DZIP3: variants seen among roughly 807,000 people sequenced by gnomAD.
DZIP3 encodes E3 ubiquitin-protein ligase DZIP3.
Under a neutral mutation model 162.0 loss-of-function variants are expected in DZIP3, and 118 were observed. The ratio of observed to expected loss-of-function variants is 0.73; its 90% CI spans 0.63 to 0.85. DZIP3 has a LOEUF of 0.85. DZIP3 is among the 40% of genes least tolerant of loss of function. The pLI is 0.00. For synonymous variants in DZIP3, 438 were observed against 458.6 expected (o/e 0.96, Z 0.57); for missense variants, 1,331 against 1,407.0 (o/e 0.95, Z 0.86).
chr3:108,594,402 TCTCCCCCCTCCC>T (rs1220652586), intron 1 of DZIP3, among the ~76,000 whole-genome samples: 3 of 141,642 alleles, frequency 2.1e-5, no homozygotes, highest in Non-Finnish European at 3.1e-5. Context: ...TCTCTCTCTC[TCTCCCCCCTCCC>T]CTCCCCCCTC....
chr3:108,649,034 AC>A (rs1432465078), intron 17 of DZIP3, 72 bp downstream of exon 17: 15 of 918,998 alleles, frequency 1.6e-5, no homozygotes, highest in Non-Finnish European at 2.1e-5. Context: ...CATTGTTAGA[AC>A]TTAAATTAGT....
chr3:108,659,038 T>C (rs923640397), intron 19 of DZIP3, among the ~76,000 whole-genome samples: 2 of 152,122 alleles, frequency 1.3e-5, no homozygotes, highest in African/African-American at 4.8e-5. Context: ...ACCAGATGGA[T>C]TCACAGCCGA....
chr3:108,677,334 GA>G, intron 25 of DZIP3, among the ~76,000 whole-genome samples, 162 bp from the exon 26 acceptor site: 1 of 128,324 alleles, frequency 7.8e-6, no homozygotes, highest in East Asian at 2.5e-4. Flanking sequence ...ATGGTCTATA[GA>G]ATTTTTTTTT....
chr3:108,658,976 C>A (rs953901897), intron 19 of DZIP3, among the ~76,000 whole-genome samples: 1 of 151,886 alleles, frequency 6.6e-6, no homozygotes, highest in African/African-American at 2.4e-5. Context: ...CAATAACAGG[C>A]TCTGAAATTG....
At chr3:108,614,575 A>T (rs1940897538) in intron 4 of DZIP3, among the ~76,000 whole-genome samples, 1 of 152,140 alleles carries the variant, frequency 6.6e-6, no homozygotes, top group Non-Finnish European at 1.5e-5. Flanking sequence ...TATTTTCAGT[A>T]TGCTCTGGAC....
In DZIP3 at chr3:108,678,395, G is replaced by C. The variant is rs529246884; in HGVS notation, c.2883+797G>C. Among the ~76,000 whole-genome samples, 7 of 152,082 alleles carry C rather than the reference G, an allele frequency of 4.6e-5. No homozygotes were observed. In the South Asian group the frequency reaches 8.3e-4, roughly 18 times the overall value. On this transcript the variant is annotated intron_variant, in intron 26 of 32. Coordinates refer to ENST00000361582, the MANE Select transcript of DZIP3 (RefSeq NM_014648.4). ...GAAAAAATTATCTTCCATGAAACCA[G>C]TCCCTGGTGCCGAAAAGATTGGGGA... is the stretch of plus-strand genomic sequence containing the variant.
chr3:108,613,015 G>A (rs1281515355), intron 4 of DZIP3, among the ~76,000 whole-genome samples: 2 of 152,106 alleles, frequency 1.3e-5, no homozygotes, highest in East Asian at 1.9e-4. Context: ...AAATCTCTGG[G>A]GATAGGTCTT....
At chr3:108,653,190 C>T (rs184467198) in intron 18 of DZIP3, among the ~76,000 whole-genome samples, 1 of 151,886 alleles carries the variant, frequency 6.6e-6, no homozygotes, top group African/African-American at 2.4e-5. Context: ...ATGTTTGGGT[C>T]ACTCTAGAAT....
chr3:108,611,127 T>G, intron 3 of DZIP3, 47 bp from the exon 4 acceptor site: 99 of 1,500,362 alleles, frequency 6.6e-5, no homozygotes, highest in Non-Finnish European at 8.3e-5. Flanking sequence ...TAAGAGTGAA[T>G]GAGAATATGC....
intron 31 of DZIP3, among the ~76,000 whole-genome samples, chr3:108,690,185 A>G (rs1944641198): frequency 6.6e-6 from 1 of 152,222 alleles, no homozygotes; most frequent in Non-Finnish European, 1.5e-5. Flanking sequence ...TAGTGGGCCT[A>G]TTATATATAG....
intron 27 of DZIP3, among the ~76,000 whole-genome samples, chr3:108,685,770 C>T (rs1468129419): frequency 5.3e-5 from 8 of 152,000 alleles, no homozygotes; most frequent in South Asian, 2.1e-4. Flanking sequence ...TCACAAAATG[C>T]GAATAATATA....
At chr3:108,604,530 T>C (rs998257498) in intron 1 of DZIP3, among the ~76,000 whole-genome samples, 1 of 152,164 alleles carries the variant, frequency 6.6e-6, no homozygotes, top group Non-Finnish European at 1.5e-5. Context: ...TAAATATATA[T>C]ACTTATGATA....
Position 108,637,554 on chromosome 3 carries a change from C to G in DZIP3, c.1064+6C>G. ...ATTGAAAATTTAGGAGCAAGGTAAG[C>G]TTAAAATAAAATACTCTGTTACCTT... On this transcript the variant is annotated splice_donor_region_variant and intron_variant, in intron 12 of 32. Coordinates refer to ENST00000361582, the MANE Select transcript of DZIP3 (RefSeq NM_014648.4). 6.2e-7 allele frequency: 1 copy of G among 1,606,402 alleles called. No individual in the cohort carries two copies. Among genetic ancestry groups the G allele is most frequent in the South Asian group, 1.1e-5 (1 of 89,346 alleles).
Position 108,633,069 on chromosome 3 carries a change from T to A in DZIP3, c.813T>A (p.Tyr271Ter). Residue 271 changes from tyrosine (Y) to a stop codon, truncating the protein, a stop_gained, in exon 9 of 33, where the codon TAT becomes TAA. Coordinates refer to ENST00000361582, the MANE Select transcript of DZIP3 (RefSeq NM_014648.4). LOFTEE classifies it high-confidence loss of function. The stretch of plus-strand genomic sequence containing the variant: ...CTGACATTTTGAAGAACACCAGTTA[T>A]AAGGTACTGTAATTGTCAATTAACA... Reference protein sequence around the residue: ...CEADILKNTSYKGFFQLMCSK... With the variant: ...CEADILKNTS The A allele has an allele frequency of 7.2e-7, 1 of 1,394,170 alleles. No individual in the cohort carries two copies. Among genetic ancestry groups the A allele is most frequent in the African/African-American group, 1.5e-5 (1 of 67,684 alleles). The allele number at this position is 1,394,170 out of a possible 1,614,324, so 86.4% of individuals were successfully genotyped here. A position where few individuals can be genotyped will look rare whatever the true frequency, so the allele number is the denominator to read the frequency against.
Position 108,688,008 on chromosome 3 carries a change from A to G in DZIP3, c.3182A>G (p.Lys1061Arg). ...CTTACAGATTTCTTACGGAAATTGA[A>G]GGATGCTTATGGAAAATCCTTGTCT... ...KELTDFLRKLKDAYGKSLSEL... is the reference protein window; with the variant it reads ...KELTDFLRKLRDAYGKSLSEL... The change falls in exon 29 of 33, where the codon AAG (lysine) becomes AGG (arginine). Residue 1061 changes from lysine (K) to arginine (R), a missense_variant. Physicochemically the swap from Lys to Arg is conservative, Grantham distance 26. This residue lies in a region of DZIP3 where 1,278 missense variants were observed against 1,317.1 expected (regional missense o/e 0.97). Transcript: ENST00000361582. The G allele has an allele frequency of 6.2e-7, 1 of 1,613,668 alleles. No homozygotes were observed. Among genetic ancestry groups the G allele is most frequent in the South Asian group, 1.1e-5 (1 of 91,066 alleles).
intron 21 of DZIP3, among the ~76,000 whole-genome samples, chr3:108,664,314 T>C (rs1943578533): frequency 6.6e-6 from 1 of 152,194 alleles, no homozygotes; most frequent in Non-Finnish European, 1.5e-5. Flanking sequence ...CACACACCAG[T>C]GGCCCCACAC....
chr3:108,589,563 G>C (rs1314916263), upstream of DZIP3: 1 of 496,260 alleles, frequency 2.0e-6, no homozygotes, highest in Non-Finnish European at 3.6e-6. Context: ...GTGGGCCAGG[G>C]GTCGAGGTGA....
At chr3:108,592,420 G>A (rs900143101) in intron 1 of DZIP3, among the ~76,000 whole-genome samples, 3 of 152,134 alleles carry the variant, frequency 2.0e-5, no homozygotes, top group South Asian at 2.1e-4. Context: ...TGTGCCAGGC[G>A]TAGTGGCTCA....
At chr3:108,672,265 G>T (rs1469050872) in intron 22 of DZIP3, among the ~76,000 whole-genome samples, 1 of 151,922 alleles carries the variant, frequency 6.6e-6, no homozygotes, top group Non-Finnish European at 1.5e-5. Context: ...CATTGCACTT[G>T]CCCAGGGGTT....
Sources: allele counts gnomAD v4.1 joint callset (sites outside exome capture counted in the v4.1 genomes callset), GRCh38; gene constraint gnomAD v4.1.1; regional missense constraint gnomAD v4.1.1; transcripts MANE v1.5; gene names NCBI Gene and HGNC (gene_info 2026-07-23, HGNC 2026-07-21).